The following FERMT2 variants were observed in gnomAD, a reference collection of about 807,000 sequenced individuals.
FERMT2 encodes the protein fermitin family homolog 2.
FERMT2 carries 15 observed loss-of-function variants against 82.7 expected under a neutral mutation model. The ratio of observed to expected loss-of-function variants is 0.18; its 90% CI spans 0.12 to 0.28. The LOEUF is 0.28. FERMT2 is among the 10% of genes least tolerant of loss of function. FERMT2 has a pLI of 1.00. For missense variants in FERMT2, 645 were observed against 809.4 expected (o/e 0.80, Z 2.46); for synonymous variants, 274 against 271.5 (o/e 1.01, Z -0.09).
At chr14:52,865,279 C>A (rs1885202720) in intron 10 of FERMT2, among the ~76,000 whole-genome samples, 1 of 152,158 alleles carries the variant, frequency 6.6e-6, no homozygotes, top group South Asian at 2.1e-4. Flanking sequence ...TGAGATCGCA[C>A]CGTTGCACTC....
intron 3 of FERMT2, among the ~76,000 whole-genome samples, chr14:52,902,892 C>CAAAACAAAAAAAAAAAA (rs1355070805): frequency 1.1e-4 from 4 of 36,754 alleles, no homozygotes; most frequent in Non-Finnish European, 2.0e-4. Flanking sequence ...AAAAAAAAAA[C>CAAAACAAAAAAAAAAAA]CCCAAAACAC....
chr14:52,922,992 C>T (rs953757479), intron 2 of FERMT2, among the ~76,000 whole-genome samples: 2 of 152,184 alleles, frequency 1.3e-5, no homozygotes, highest in African/African-American at 2.4e-5. Flanking sequence ...GGTATGGCCT[C>T]TTGATTCTAG....
chr14:52,864,424 G>T lies in FERMT2; in HGVS notation c.1579C>A (p.Leu527Ile). 1 of 1,613,212 alleles carries T rather than the reference G, an allele frequency of 6.2e-7. No individual in the cohort carries two copies. The highest frequency in any genetic ancestry group is 8.5e-7 in the Non-Finnish European group (1 of 1,179,134). The change falls in exon 12 of 15, where the codon CTA (leucine) becomes ATA (isoleucine). Residue 527 changes from leucine (L) to isoleucine (I), a missense_variant. Transcript: ENST00000341590. ...ACCTGCTTGTTCTTATACTTTTTTA[G>T]ATAGCGGGGAGACACCAAACATTCA... ...TPECLVSPRYLKKYKNKQITA... is the reference protein window; with the variant it reads ...TPECLVSPRYIKKYKNKQITA...
chr14:52,891,563 A>G (rs1886936291), intron 4 of FERMT2, among the ~76,000 whole-genome samples: 1 of 152,160 alleles, frequency 6.6e-6, no homozygotes, highest in African/African-American at 2.4e-5. Context: ...TATCTACTGC[A>G]AAGAGCTGTA....
intron 3 of FERMT2, among the ~76,000 whole-genome samples, chr14:52,900,099 T>G (rs1887532691): frequency 6.8e-6 from 1 of 147,552 alleles, no homozygotes; most frequent in East Asian, 1.9e-4. Flanking sequence ...TATAGCAATG[T>G]TTTTTTTTGT....
intron 2 of FERMT2, among the ~76,000 whole-genome samples, chr14:52,929,736 T>C (rs1889475150): frequency 6.6e-6 from 1 of 152,176 alleles, no homozygotes; most frequent in African/African-American, 2.4e-5. Flanking sequence ...AGCCCTCCAA[T>C]GTCCTATGTC....
chr14:52,871,413 C>G (rs909787707), intron 10 of FERMT2: 20 of 151,992 alleles, frequency 1.3e-4, no homozygotes, highest in African/African-American at 4.8e-4. Context: ...GGGGATACAG[C>G]TTTCTGGAGA....
At chr14:52,919,902 A>C (rs1888855569) in intron 2 of FERMT2, among the ~76,000 whole-genome samples, 1 of 152,158 alleles carries the variant, frequency 6.6e-6, no homozygotes, top group Non-Finnish European at 1.5e-5. Flanking sequence ...ACTTAAGAGA[A>C]AGCTCTAAAA....
chr14:52,947,691 T>A (rs1167606016), intron 2 of FERMT2, among the ~76,000 whole-genome samples: 1 of 152,208 alleles, frequency 6.6e-6, no homozygotes, highest in African/African-American at 2.4e-5. Context: ...TGCCGCACTC[T>A]GGGATGAACC....
intron 3 of FERMT2, among the ~76,000 whole-genome samples, chr14:52,915,689 C>G (rs1396519562): frequency 6.6e-6 from 1 of 152,070 alleles, no homozygotes; most frequent in African/African-American, 2.4e-5. Flanking sequence ...ATAGATGATA[C>G]CTGTAATTCA....
intron 2 of FERMT2, among the ~76,000 whole-genome samples, chr14:52,931,871 T>C (rs572122551): frequency 2.5e-3 from 387 of 151,972 alleles, no homozygotes; most frequent in Non-Finnish European, 4.2e-3. Context: ...CTACTAAAAA[T>C]ACAAAAAATT....
intron 4 of FERMT2, among the ~76,000 whole-genome samples, chr14:52,883,981 G>C (rs1045117466): frequency 1.8e-4 from 27 of 152,162 alleles, no homozygotes; most frequent in African/African-American, 6.5e-4. Flanking sequence ...GCAGAACTGT[G>C]AGCCAATTAA....
At chr14:52,909,139 AAG>A (rs150283273) in intron 3 of FERMT2, among the ~76,000 whole-genome samples, 1 of 152,100 alleles carries the variant, frequency 6.6e-6, no homozygotes. Flanking sequence ...AGAGAGGTGA[AAG>A]AGAGAGAGGT....
intron 6 of FERMT2, among the ~76,000 whole-genome samples, chr14:52,880,400 C>T (rs921644945): frequency 1.3e-5 from 2 of 151,872 alleles, no homozygotes; most frequent in Non-Finnish European, 2.9e-5. Flanking sequence ...TTTGCCAATT[C>T]TTTTTTTTGT....
At chr14:52,939,672 T>C (rs111990634) in intron 2 of FERMT2, among the ~76,000 whole-genome samples, 238 of 152,320 alleles carry the variant, frequency 1.6e-3, no homozygotes, top group African/African-American at 5.5e-3. Context: ...AGCTAGTATA[T>C]GGTCAAGTCA....
At position 52,950,672 on chromosome 14, in the gene FERMT2, T is replaced by C. The variant is rs569345766; in HGVS notation, c.-9-95A>G. ...GCAGCGCCGGCCACGGGCTGGGAGG[T>C]GGTGGAGGACCCGGGGCTTTCGGCA... On this transcript the variant is annotated intron_variant, in intron 1 of 14. Coordinates refer to ENST00000341590, the MANE Select transcript of FERMT2 (RefSeq NM_006832.3). The C allele has an allele frequency of 1.8e-4, 241 of 1,312,130 alleles. No homozygotes were observed. In the African/African-American group the frequency reaches 3.3e-3, roughly 18 times the overall value. 81.3% of individuals were successfully genotyped at this position (1,312,130 alleles called of 1,614,324 possible).
chr14:52,875,024 C>T (rs1885868969), intron 8 of FERMT2, among the ~76,000 whole-genome samples, 199 bp downstream of exon 8: 1 of 152,170 alleles, frequency 6.6e-6, no homozygotes, highest in Non-Finnish European at 1.5e-5. Flanking sequence ...CACTGCACTC[C>T]AGCCTGGGCA....
At position 52,919,060 on chromosome 14, in the gene FERMT2, C is replaced by T. The variant is rs1045229771; in HGVS notation, c.391+63G>A. The T allele has an allele frequency of 6.6e-5, 75 of 1,128,728 alleles. No homozygotes were observed. In the Middle Eastern group the frequency reaches 9.7e-4, roughly 15 times the overall value. 69.9% of individuals were successfully genotyped at this position (1,128,728 alleles called of 1,614,324 possible). A position where few individuals can be genotyped will look rare whatever the true frequency, so the allele number is the denominator to read the frequency against. On this transcript the variant is annotated intron_variant, in intron 3 of 14. Coordinates refer to ENST00000341590, the MANE Select transcript of FERMT2 (RefSeq NM_006832.3). Reference sequence around the variant, plus strand: ...CCCCATCCCTTGGGATAAGCTATGTCAGTCATCGGTCATCTGTACATCACA... The same window carrying T: ...CCCCATCCCTTGGGATAAGCTATGTTAGTCATCGGTCATCTGTACATCACA...
chr14:52,940,900 G>C (rs1329390093), intron 2 of FERMT2, among the ~76,000 whole-genome samples: 1 of 152,172 alleles, frequency 6.6e-6, no homozygotes, highest in Non-Finnish European at 1.5e-5. Flanking sequence ...AAAGTAAAGT[G>C]ACGTGGCCAC....
Sources: allele counts gnomAD v4.1 joint callset (sites outside exome capture counted in the v4.1 genomes callset), GRCh38; gene constraint gnomAD v4.1.1; transcripts MANE v1.5; gene names NCBI Gene and HGNC (gene_info 2026-07-23, HGNC 2026-07-21).